MAML2: variants seen among roughly 807,000 people sequenced by gnomAD.
MAML2 encodes the protein mastermind like transcriptional coactivator 2.
MAML2 carries 22 observed loss-of-function variants against 96.1 expected under a neutral mutation model. The observed-to-expected ratio is 0.23, with a 90% CI of 0.16 to 0.33. The LOEUF (loss-of-function observed/expected upper bound fraction) is 0.33, where lower values mean the gene tolerates loss of function less well. MAML2 is among the 10% of genes least tolerant of loss of function. The pLI is 1.00. For missense variants in MAML2, 1,367 were observed against 1,392.4 expected (o/e 0.98, Z 0.29); for synonymous variants, 561 against 521.3 (o/e 1.08, Z -1.04).
At chr11:96,265,899 C>T (rs930639054) in intron 1 of MAML2, among the ~76,000 whole-genome samples, 20 of 152,196 alleles carry the variant, frequency 1.3e-4, no homozygotes, top group Non-Finnish European at 2.8e-4. Flanking sequence ...TCCAAGCCCA[C>T]GTGTGATCTG....
chr11:96,175,000 G>C (rs1000325574), intron 1 of MAML2, among the ~76,000 whole-genome samples: 2 of 152,190 alleles, frequency 1.3e-5, no homozygotes, highest in African/African-American at 4.8e-5. Flanking sequence ...GGAAAACATG[G>C]TGCGAAGCAG....
intron 1 of MAML2, among the ~76,000 whole-genome samples, chr11:96,199,107 GA>G (rs1347985697): frequency 2.0e-5 from 3 of 146,690 alleles, no homozygotes; most frequent in African/African-American, 7.6e-5. Context: ...CTGAGATGGA[GA>G]ATTGCTTGAA....
chr11:96,143,211 C>A (rs1440829853), intron 1 of MAML2, among the ~76,000 whole-genome samples: 2 of 152,082 alleles, frequency 1.3e-5, no homozygotes, highest in Non-Finnish European at 2.9e-5. Context: ...TGCCAATAAG[C>A]CTTTATTTGG....
At chr11:96,311,238 T>C (rs1305297100) in intron 1 of MAML2, among the ~76,000 whole-genome samples, 1 of 152,212 alleles carries the variant, frequency 6.6e-6, no homozygotes, top group East Asian at 1.9e-4. Context: ...TGTGAGTCCA[T>C]TCCTGGCATG....
At chr11:96,262,860 A>G (rs1862770469) in intron 1 of MAML2, among the ~76,000 whole-genome samples, 1 of 152,242 alleles carries the variant, frequency 6.6e-6, no homozygotes, top group South Asian at 2.1e-4. Flanking sequence ...CTATAATCTC[A>G]GCTTTCTGCA....
At chr11:96,133,526 G>A (rs1860578704) in intron 1 of MAML2, among the ~76,000 whole-genome samples, 1 of 152,052 alleles carries the variant, frequency 6.6e-6, no homozygotes, top group Non-Finnish European at 1.5e-5. Context: ...TGAACATTCA[G>A]CCTTCTCTTG....
intron 2 of MAML2, among the ~76,000 whole-genome samples, chr11:96,059,170 A>G (rs959664694): frequency 6.6e-5 from 10 of 152,200 alleles, no homozygotes; most frequent in Non-Finnish European, 1.5e-4. Context: ...GTAAGAAGGT[A>G]CCTTGGACTC....
chr11:96,279,318 T>A (rs1463138489), intron 1 of MAML2, among the ~76,000 whole-genome samples: 1 of 152,156 alleles, frequency 6.6e-6, no homozygotes, highest in Non-Finnish European at 1.5e-5. Flanking sequence ...TGAATAATAT[T>A]TTCGTTATAA....
chr11:96,306,183 C>A (rs1399914046), intron 1 of MAML2, among the ~76,000 whole-genome samples: 1 of 152,034 alleles, frequency 6.6e-6, no homozygotes, highest in Non-Finnish European at 1.5e-5. Context: ...GATCACTGCA[C>A]GAGCCCAGGC....
intron 2 of MAML2, among the ~76,000 whole-genome samples, chr11:96,040,837 T>C (rs753821050): frequency 6.6e-6 from 1 of 152,230 alleles, no homozygotes; most frequent in African/African-American, 2.4e-5. Flanking sequence ...AGATAACTAT[T>C]ATTCTGTTTT....
intron 1 of MAML2, among the ~76,000 whole-genome samples, chr11:96,210,080 A>C (rs579691): frequency 0.85 from 128,944 of 152,162 alleles, 54,859 homozygotes; most frequent in African/African-American, 0.9. Context: ...ATGACTACAA[A>C]ATGTGCCTTA....
At chr11:96,166,136 G>T (rs12164809) in intron 1 of MAML2, among the ~76,000 whole-genome samples, 1 of 83,778 alleles carries the variant, frequency 1.2e-5, no homozygotes, top group Non-Finnish European at 2.7e-5. Flanking sequence ...CTCTTTCTCT[G>T]TCTCTCTCTC....
intron 1 of MAML2, among the ~76,000 whole-genome samples, chr11:96,111,260 T>C (rs1860119080): frequency 6.6e-6 from 1 of 152,196 alleles, no homozygotes; most frequent in Admixed American, 6.5e-5. Context: ...ATAGCTAGTG[T>C]CACAGGTGCT....
Position 96,137,634 on chromosome 11 carries a change from C to T in MAML2, c.514-44117G>A, listed in dbSNP as rs78882985. On this transcript the variant is annotated intron_variant, in intron 1 of 4. Coordinates refer to ENST00000524717, the MANE Select transcript of MAML2 (RefSeq NM_032427.4). ...ATGGTATTGTCCACAAACTCATTGA[C>T]CATTCAGTCTCCATTTTAATATACT... Among the ~76,000 whole-genome samples the T allele has an allele frequency of 2.6e-3, 391 of 152,292 alleles. 6 individuals carry two copies. The highest frequency in any genetic ancestry group is 0.018 in the Admixed American group (278 of 15,288).
intron 4 of MAML2, among the ~76,000 whole-genome samples, chr11:95,982,517 C>T (rs1857757177): frequency 6.6e-6 from 1 of 152,066 alleles, no homozygotes; most frequent in Admixed American, 6.5e-5. Flanking sequence ...CCAGGCAGCC[C>T]TTAGGATAGA....
chr11:95,998,100 C>A (rs1214118878), intron 2 of MAML2, among the ~76,000 whole-genome samples: 1 of 151,888 alleles, frequency 6.6e-6, no homozygotes, highest in African/African-American at 2.4e-5. Context: ...CTATATCTAC[C>A]CATTTATCCA....
chr11:96,084,113 G>T (rs1859570161), intron 2 of MAML2, among the ~76,000 whole-genome samples: 1 of 152,114 alleles, frequency 6.6e-6, no homozygotes, highest in Non-Finnish European at 1.5e-5. Context: ...TATGAAGGTT[G>T]CTAAGTGTAG....
chr11:96,064,161 A>C (rs746962167), intron 2 of MAML2, among the ~76,000 whole-genome samples: 13 of 152,208 alleles, frequency 8.5e-5, no homozygotes, highest in Non-Finnish European at 1.6e-4. Context: ...AATTACGAAA[A>C]ATATAAAATT....
chr11:96,297,495 A>T lies in MAML2; in HGVS notation c.513+43888T>A, dbSNP rs183044544. On this transcript the variant is annotated intron_variant, in intron 1 of 4. Transcript: ENST00000524717. ...GAGGCTGAGGCAGGAGAACAGCTTG[A>T]TCCCAGGAGGTGGAGGTTATAGTGA... Among the ~76,000 whole-genome samples the T allele has an allele frequency of 3.9e-5, 6 of 152,250 alleles. No homozygotes were observed. In the East Asian group the frequency reaches 1.2e-3, roughly 29 times the overall value.
Sources: gnomAD v4.1 joint callset for allele counts (sites outside exome capture counted in the v4.1 genomes callset) on GRCh38, gnomAD v4.1.1 for gene constraint, MANE v1.5 for transcripts, NCBI Gene and HGNC (gene_info 2026-07-23, HGNC 2026-07-21) for gene names.